KCNH7: variants seen among roughly 807,000 people sequenced by gnomAD.
KCNH7 encodes the protein potassium voltage-gated channel subfamily H member 7.
KCNH7 carries 49 observed loss-of-function variants against 120.8 expected under a neutral mutation model. That is an observed-to-expected ratio of 0.41 (90% CI 0.32 to 0.51). KCNH7 has a LOEUF of 0.51. Ranked by LOEUF, KCNH7 falls within the 20% of genes least tolerant of loss-of-function variation. The pLI is 0.38. For missense variants in KCNH7, 1,097 were observed against 1,446.6 expected (o/e 0.76, Z 3.92); for synonymous variants, 547 against 516.1 (o/e 1.06, Z -0.81).
chr2:162,819,030 C>T (rs1685010681), intron 2 of KCNH7, among the ~76,000 whole-genome samples: 1 of 151,944 alleles, frequency 6.6e-6, no homozygotes, highest in Admixed American at 6.6e-5. Flanking sequence ...GAACCTGTAC[C>T]CTTAAAGAAT....
chr2:162,728,631 A>G (rs1687613014), intron 2 of KCNH7, among the ~76,000 whole-genome samples: 2 of 152,160 alleles, frequency 1.3e-5, no homozygotes, highest in Admixed American at 1.3e-4. Context: ...CTACAAAATT[A>G]GCCGGGCTTG....
Position 162,394,531 on chromosome 2 carries a change from G to GA in KCNH7, c.2614-47dup, listed in dbSNP as rs751780113. Reference sequence around the variant, plus strand: ...GATAAAATGAAAGATTACTGAATTAGAACACAATGTACTATTCAGTAAACT... The same window carrying GA: ...GATAAAATGAAAGATTACTGAATTAGAAACACAATGTACTATTCAGTAAACT... On this transcript the variant is annotated intron_variant, in intron 11 of 15. Coordinates refer to ENST00000332142, the MANE Select transcript of KCNH7 (RefSeq NM_033272.4). The GA allele has an allele frequency of 3.2e-5, 35 of 1,086,306 alleles. No homozygotes were observed. In the African/African-American group the frequency reaches 4.4e-4, roughly 14 times the overall value. The allele number at this position is 1,086,306 out of a possible 1,614,324, so 67.3% of individuals were successfully genotyped here.
At chr2:162,761,322 A>C (rs182000813) in intron 2 of KCNH7, among the ~76,000 whole-genome samples, 1 of 152,146 alleles carries the variant, frequency 6.6e-6, no homozygotes, top group East Asian at 1.9e-4. Context: ...TCCTCTGGAA[A>C]TATCTTTCTT....
intron 3 of KCNH7, chr2:162,528,401 G>C (rs1574066964): frequency 6.6e-6 from 1 of 151,940 alleles, no homozygotes; most frequent in Non-Finnish European, 1.5e-5. Flanking sequence ...AAGGTATGAG[G>C]TATTATGATC....
intron 2 of KCNH7, among the ~76,000 whole-genome samples, chr2:162,627,566 T>C (rs1186908349): frequency 2.0e-5 from 3 of 152,180 alleles, no homozygotes; most frequent in Non-Finnish European, 4.4e-5. Flanking sequence ...TGGCTAAATA[T>C]TCTTGAATGA....
chr2:162,765,956 T>C (rs1039008080), intron 2 of KCNH7, among the ~76,000 whole-genome samples: 5 of 152,184 alleles, frequency 3.3e-5, no homozygotes, highest in African/African-American at 1.2e-4. Flanking sequence ...GGGGTCTCAC[T>C]ATGTTGCCCA....
intron 6 of KCNH7, among the ~76,000 whole-genome samples, chr2:162,501,178 CCA>C (rs1248183191): frequency 6.6e-6 from 1 of 151,956 alleles, no homozygotes; most frequent in Non-Finnish European, 1.5e-5. Context: ...GCCTTTTTTC[CCA>C]GTTTCTGGTC....
At chr2:162,455,205 G>A (rs1688918860) in intron 6 of KCNH7, among the ~76,000 whole-genome samples, 1 of 151,986 alleles carries the variant, frequency 6.6e-6, no homozygotes, top group Admixed American at 6.6e-5. Context: ...TGTGAATTTT[G>A]TCATTGGTTC....
chr2:162,376,364 G>GTT (rs374453027), intron 14 of KCNH7, among the ~76,000 whole-genome samples: 94 of 146,028 alleles, frequency 6.4e-4, no homozygotes, highest in African/African-American at 2.2e-3. Context: ...TCAAAGTGTG[G>GTT]TTTGTTTTTT....
chr2:162,704,269 G>A (rs912019397), intron 2 of KCNH7, among the ~76,000 whole-genome samples: 8 of 152,014 alleles, frequency 5.3e-5, no homozygotes, highest in Admixed American at 6.6e-5. Context: ...GTGGGCCAAT[G>A]TTGATAGATT....
chr2:162,560,370 G>A (rs1049165766), intron 2 of KCNH7, among the ~76,000 whole-genome samples: 9 of 152,140 alleles, frequency 5.9e-5, no homozygotes, highest in Non-Finnish European at 2.9e-5. Context: ...ATCGGAACAG[G>A]AGCAAAAGTA....
intron 9 of KCNH7, among the ~76,000 whole-genome samples, chr2:162,409,742 A>G (rs1387545519): frequency 6.6e-6 from 1 of 152,066 alleles, no homozygotes; most frequent in Non-Finnish European, 1.5e-5. Flanking sequence ...CTTTCAGGAT[A>G]CAAAATCAAT....
At chr2:162,455,081 A>G (rs1218011029) in intron 6 of KCNH7, among the ~76,000 whole-genome samples, 1 of 152,148 alleles carries the variant, frequency 6.6e-6, no homozygotes, top group Non-Finnish European at 1.5e-5. Flanking sequence ...GGTTTGTCAT[A>G]AATAGCTCTT....
At chr2:162,561,589 C>T (rs1057170997) in intron 2 of KCNH7, among the ~76,000 whole-genome samples, 11 of 152,144 alleles carry the variant, frequency 7.2e-5, no homozygotes, top group African/African-American at 2.7e-4. Context: ...GCCATTCTAG[C>T]TGGCATGAGA....
At chr2:162,722,429 CT>C (rs899554829) in intron 2 of KCNH7, among the ~76,000 whole-genome samples, 1 of 151,786 alleles carries the variant, frequency 6.6e-6, no homozygotes. Context: ...AAATAGTAGA[CT>C]TTTTTTTAAA....
intron 6 of KCNH7, among the ~76,000 whole-genome samples, chr2:162,448,780 G>C (rs1211718958): frequency 6.6e-6 from 1 of 152,042 alleles, no homozygotes; most frequent in African/African-American, 2.4e-5. Flanking sequence ...ACTGTGCTAA[G>C]AGCTGGAGAT....
intron 2 of KCNH7, among the ~76,000 whole-genome samples, chr2:162,688,654 C>T (rs1346968023): frequency 1.3e-5 from 2 of 152,034 alleles, no homozygotes; most frequent in Non-Finnish European, 2.9e-5. Flanking sequence ...GCATAAAAAT[C>T]ACTGTGGTAT....
chr2:162,497,858 G>C (rs1381301713), intron 6 of KCNH7, among the ~76,000 whole-genome samples: 1 of 152,118 alleles, frequency 6.6e-6, no homozygotes, highest in Non-Finnish European at 1.5e-5. Flanking sequence ...CAGAAATCAT[G>C]AAAGTTACCA....
At chr2:162,634,699 A>G (rs781428306) in intron 2 of KCNH7, among the ~76,000 whole-genome samples, 5 of 152,012 alleles carry the variant, frequency 3.3e-5, no homozygotes, top group Non-Finnish European at 2.9e-5. Flanking sequence ...TTCTTCCATT[A>G]TGCTTGGCTA....
Sources: allele counts gnomAD v4.1 joint callset (sites outside exome capture counted in the v4.1 genomes callset), GRCh38; gene constraint gnomAD v4.1.1; transcripts MANE v1.5; gene names NCBI Gene and HGNC (gene_info 2026-07-23, HGNC 2026-07-21).